The following MYO10 variants were observed in gnomAD, a reference collection of about 807,000 sequenced individuals.
MYO10 encodes the protein myosin X.
A neutral mutation model predicts 257.3 loss-of-function variants in MYO10; 133 were observed. The ratio of observed to expected loss-of-function variants is 0.52; its 90% CI spans 0.45 to 0.60. The LOEUF (loss-of-function observed/expected upper bound fraction) is 0.60. MYO10 is among the 20% of genes least tolerant of loss of function. The pLI is 0.00. For synonymous variants in MYO10, 1,104 were observed against 1,028.6 expected, an observed-to-expected ratio of 1.07 and a Z score of -1.40; for missense variants, 2,399 against 2,635.7, an observed-to-expected ratio of 0.91 and a Z score of 1.97.
chr5:16,730,921 G>A (rs772273211), intron 19 of MYO10, among the ~76,000 whole-genome samples: 1 of 152,178 alleles, frequency 6.6e-6, no homozygotes, highest in Admixed American at 6.5e-5. Flanking sequence ...TGAGGTCGTG[G>A]GCTGTCATGG....
Position 16,763,440 on chromosome 5 carries a change from G to A in MYO10, c.1494+41C>T, listed in dbSNP as rs140203547. On this transcript the variant is annotated intron_variant, in intron 14 of 40. Coordinates refer to ENST00000513610, the MANE Select transcript of MYO10 (RefSeq NM_012334.3). ...CCATAAATATGAATCAGTCCAGCTG[G>A]ACCCCCTTGGGACTGTAACCATTCT... 6.1e-3 allele frequency: 9,001 copies of A among 1,486,574 alleles called. 33 individuals carry two copies. The highest frequency in any genetic ancestry group is 7.7e-3 in the Admixed American group (458 of 59,276). The allele number at this position is 1,486,574 out of a possible 1,614,324, so 92.1% of individuals were successfully genotyped here.
intron 1 of MYO10, among the ~76,000 whole-genome samples, chr5:16,914,046 G>A (rs991494904): frequency 6.6e-6 from 1 of 152,206 alleles, no homozygotes; most frequent in African/African-American, 2.4e-5. Flanking sequence ...AACTTCAGTG[G>A]TGGGGCAGGA....
intron 4 of MYO10, among the ~76,000 whole-genome samples, chr5:16,785,271 T>G (rs1741544903): frequency 6.6e-6 from 1 of 152,142 alleles, no homozygotes; most frequent in African/African-American, 2.4e-5. Context: ...TAGCATACAT[T>G]GAATAACTGG....
intron 1 of MYO10, among the ~76,000 whole-genome samples, chr5:16,901,614 A>G (rs1380152835): frequency 3.9e-5 from 6 of 152,200 alleles, no homozygotes; most frequent in Non-Finnish European, 7.3e-5. Context: ...CAGATTCTAC[A>G]GTTCCCATTT....
At chr5:16,813,973 A>C (rs143827792) in intron 3 of MYO10, among the ~76,000 whole-genome samples, 1 of 152,320 alleles carries the variant, frequency 6.6e-6, no homozygotes, top group African/African-American at 2.4e-5. Context: ...GTCAGCAAGA[A>C]AACAAGGACC....
intron 1 of MYO10, among the ~76,000 whole-genome samples, chr5:16,934,596 A>G (rs1193194870): frequency 3.3e-5 from 5 of 152,222 alleles, no homozygotes; most frequent in Admixed American, 1.3e-4. Context: ...TTTTTAAGAA[A>G]AGGAAAAATA....
intron 21 of MYO10, 82 bp from the exon 22 acceptor site, chr5:16,704,767 G>T (rs1738252777): frequency 3.7e-6 from 4 of 1,078,050 alleles, no homozygotes; most frequent in Non-Finnish European, 5.6e-6. Flanking sequence ...GATATCTTCT[G>T]GAGTTAAGGC....
At chr5:16,737,822 C>G (rs533172962) in intron 19 of MYO10, among the ~76,000 whole-genome samples, 2 of 152,224 alleles carry the variant, frequency 1.3e-5, no homozygotes, top group African/African-American at 4.8e-5. Flanking sequence ...TAGAGCCCAA[C>G]AACAAAGAAT....
At position 16,676,689 on chromosome 5, in the gene MYO10, C is replaced by G. The variant is rs113193175; in HGVS notation, c.4543-535G>C. On this transcript the variant is annotated intron_variant, in intron 33 of 40. Transcript: ENST00000513610. ...CAAGATCATGCCACGGCACTCCAGC[C>G]TGGCTGACAGAGCGAGACTCCGTCT... 7.9e-3 allele frequency among the ~76,000 whole-genome samples: 1,196 copies of G among 152,284 alleles called. 15 individuals carry two copies. Among genetic ancestry groups the G allele is most frequent in the African/African-American group, 0.027 (1,133 of 41,546 alleles).
intron 1 of MYO10, among the ~76,000 whole-genome samples, chr5:16,896,417 GA>G (rs892816764): frequency 3.9e-5 from 6 of 152,076 alleles, no homozygotes; most frequent in Admixed American, 3.9e-4. Flanking sequence ...CCAACACGGT[GA>G]AACCCTGTCT....
intron 19 of MYO10, among the ~76,000 whole-genome samples, chr5:16,712,087 TACCCACA>T (rs1738645079): frequency 9.4e-6 from 1 of 106,482 alleles, no homozygotes; most frequent in Non-Finnish European, 1.7e-5. Context: ...GATGGGTGGA[TACCCACA>T]CTGTGGCAGG....
chr5:16,780,011 C>T (rs1039838255), intron 8 of MYO10, among the ~76,000 whole-genome samples: 1 of 152,166 alleles, frequency 6.6e-6, no homozygotes, highest in Non-Finnish European at 1.5e-5. Context: ...AAGCGATTCT[C>T]CTGCCTCAGC....
intron 1 of MYO10, among the ~76,000 whole-genome samples, chr5:16,885,447 G>A (rs567539662): frequency 1.8e-4 from 27 of 152,166 alleles, no homozygotes; most frequent in African/African-American, 5.3e-4. Flanking sequence ...CAAGGCAGGC[G>A]GATCACCTGA....
At chr5:16,723,655 C>T (rs751511469) in intron 19 of MYO10, among the ~76,000 whole-genome samples, 4 of 152,212 alleles carry the variant, frequency 2.6e-5, no homozygotes, top group Non-Finnish European at 5.9e-5. Context: ...ACACAAAAAT[C>T]TGCACATCAA....
At chr5:16,850,208 A>G (rs1743757827) in intron 2 of MYO10, among the ~76,000 whole-genome samples, 1 of 152,214 alleles carries the variant, frequency 6.6e-6, no homozygotes, top group Non-Finnish European at 1.5e-5. Flanking sequence ...TCATTCTGCT[A>G]TTCTTTATTT....
intron 1 of MYO10, among the ~76,000 whole-genome samples, chr5:16,895,594 A>G (rs1408290096): frequency 3.9e-5 from 6 of 152,064 alleles, no homozygotes; most frequent in Non-Finnish European, 8.8e-5. Context: ...CAACAGGCTC[A>G]ACCCAACAAG....
chr5:16,683,768 G>T, intron 30 of MYO10, 112 bp downstream of exon 30: 1 of 1,051,530 alleles, frequency 9.5e-7, no homozygotes, highest in Non-Finnish European at 1.4e-6. Flanking sequence ...GGAACACACA[G>T]CCTTGCGTGA....
At chr5:16,847,688 C>G (rs2126732630) in intron 2 of MYO10, among the ~76,000 whole-genome samples, 1 of 152,154 alleles carries the variant, frequency 6.6e-6, no homozygotes, top group African/African-American at 2.4e-5. Flanking sequence ...CGTGATTGTG[C>G]CACTGCCCTC....
intron 1 of MYO10, among the ~76,000 whole-genome samples, chr5:16,897,727 C>T (rs1297942184): frequency 1.3e-5 from 2 of 152,180 alleles, no homozygotes; most frequent in Non-Finnish European, 2.9e-5. Flanking sequence ...GCTCTCCCTG[C>T]GGGTGTGCCG....
Sources: allele counts gnomAD v4.1 joint callset (sites outside exome capture counted in the v4.1 genomes callset), GRCh38; gene constraint gnomAD v4.1.1; transcripts MANE v1.5; gene names NCBI Gene and HGNC (gene_info 2026-07-23, HGNC 2026-07-21).